LPIN2: variants seen among roughly 807,000 people sequenced by gnomAD.
LPIN2 encodes the protein lipin 2, also known as phosphatidate phosphatase LPIN2.
In LPIN2, 55 loss-of-function variants were observed where a neutral mutation model predicts 111.4. That is an observed-to-expected ratio of 0.49 (90% CI 0.40 to 0.62). The LOEUF (loss-of-function observed/expected upper bound fraction) is 0.62. Among genes scored for constraint, LPIN2 ranks in the 20% least tolerant of loss-of-function variants. LPIN2 has a pLI of 0.00. For missense variants in LPIN2, 992 were observed against 1,112.1 expected (o/e 0.89, Z 1.54); for synonymous variants, 425 against 414.0 (o/e 1.03, Z -0.32).
chr18:2,940,508 G>A, intron 5 of LPIN2, 97 bp downstream of exon 5: 3 of 729,882 alleles, frequency 4.1e-6, no homozygotes, highest in Non-Finnish European at 4.9e-6. Context: ...GGCTGTGTGA[G>A]AGAAATGGGA....
chr18:2,923,999 C>CAACT (rs2144127145), intron 15 of LPIN2, 138 bp from the exon 16 acceptor site: 1 of 755,926 alleles, frequency 1.3e-6, no homozygotes, highest in South Asian at 1.5e-5. Context: ...CAGCTTCAAG[C>CAACT]AACTGCAAGG....
intron 1 of LPIN2, chr18:2,982,888 T>C (rs1241395805): frequency 1.4e-5 from 5 of 352,228 alleles, no homozygotes; most frequent in South Asian, 4.6e-5. Context: ...TGGCTAAAAC[T>C]GAAAGGAAAT....
In LPIN2 at chr18:2,951,061, G is replaced by A. The variant is rs1226336598; in HGVS notation, c.584C>T (p.Ala195Val). ...VSSDDDKGAQAARGSSNASLK... is the reference protein window; with the variant it reads ...VSSDDDKGAQVARGSSNASLK... ...CCCAGGCTGAGAGTCCTACCGTGCT[G>A]CCTGGGCCCCCTTGTCATCATCGGA... The change falls in exon 4 of 20, where the codon GCA becomes GTA. Residue 195 changes from alanine to valine, a missense_variant. This residue lies in a region of LPIN2 where 709 missense variants were observed against 753.2 expected (regional missense o/e 0.94). Coordinates refer to ENST00000677752, the MANE Select transcript of LPIN2 (RefSeq NM_001375808.2). 18 of 1,613,960 alleles carry A rather than the reference G, an allele frequency of 1.1e-5. No homozygotes were observed. The Admixed American group carries it at 3.0e-4, about 27-fold the overall frequency.
chr18:2,951,370 G>C lies in LPIN2; in HGVS notation c.289-14C>G, dbSNP rs369619421. 3.7e-6 allele frequency: 6 copies of C among 1,611,992 alleles called. No homozygotes were observed. The highest frequency in any genetic ancestry group is 5.1e-6 in the Non-Finnish European group (6 of 1,178,426). On this transcript the variant is annotated splice_polypyrimidine_tract_variant and intron_variant, in intron 3 of 19. Coordinates refer to ENST00000677752, the MANE Select transcript of LPIN2 (RefSeq NM_001375808.2). ...AGGAAGCTTTTCCTTGAGGAGAATG[G>C]AGAAAGAAAAGTTATCCATGACAAA...
intron 1 of LPIN2, among the ~76,000 whole-genome samples, chr18:2,988,709 T>A (rs1030226496): frequency 4.6e-5 from 7 of 152,230 alleles, no homozygotes; most frequent in Non-Finnish European, 1.0e-4. Context: ...GATTTAACCT[T>A]GTAATGTCAA....
At chr18:3,009,113 G>C (rs1001589487) in intron 1 of LPIN2, among the ~76,000 whole-genome samples, 2 of 151,670 alleles carry the variant, frequency 1.3e-5, no homozygotes. Flanking sequence ...CAAAAGAATT[G>C]TTTCGGCCAG....
chr18:2,965,353 A>G (rs1790989), intron 1 of LPIN2, among the ~76,000 whole-genome samples: 4 of 152,246 alleles, frequency 2.6e-5, no homozygotes, highest in Admixed American at 2.6e-4. Context: ...GTTATTCACC[A>G]AAAGTTTGAA....
intron 6 of LPIN2, among the ~76,000 whole-genome samples, chr18:2,938,283 G>C (rs546048471): frequency 6.6e-6 from 1 of 152,282 alleles, no homozygotes; most frequent in East Asian, 1.9e-4. Flanking sequence ...CAGCACTTTG[G>C]GAGGCCAAGG....
intron 1 of LPIN2, among the ~76,000 whole-genome samples, chr18:2,992,934 T>A (rs1003954798): frequency 1.4e-5 from 2 of 140,692 alleles, no homozygotes; most frequent in Admixed American, 7.6e-5. Context: ...TGCAGTGAGC[T>A]GAGATAGCAC....
intron 4 of LPIN2, 103 bp from the exon 5 acceptor site, chr18:2,940,815 G>C (rs1160068338): frequency 5.5e-6 from 4 of 728,334 alleles, no homozygotes; most frequent in Non-Finnish European, 9.8e-6. Flanking sequence ...AATGAAGAGG[G>C]GCAAATGATT....
At chr18:3,003,236 C>A (rs1261201992) in intron 1 of LPIN2, among the ~76,000 whole-genome samples, 1 of 152,192 alleles carries the variant, frequency 6.6e-6, no homozygotes, top group African/African-American at 2.4e-5. Context: ...TTCAATTACA[C>A]TAAGTAAAGC....
Position 2,920,389 on chromosome 18 carries a change from A to G in LPIN2, c.2595T>C (p.Ser865=). The G allele has an allele frequency of 1.2e-6, 2 of 1,614,048 alleles. No homozygotes were observed. The highest frequency in any genetic ancestry group is 1.7e-5 in the Admixed American group (1 of 60,030). ...AGGGAAAAGCGGAATTCTGCTCCTT[A>G]CTGAGAAGGGGGAACACATGCTCCA... is the stretch of plus-strand genomic sequence containing the variant. ...ELVEHVFPLL[S]KEQNSAFPCP... is the part of the protein sequence containing the mutation. Residue 865 remains serine, a synonymous_variant, in exon 20 of 20, where the codon AGT becomes AGC. Transcript: ENST00000677752.
rs773514460 is a variant in LPIN2 at position 2,927,768 on chromosome 18, G to C, written c.1664C>G (p.Ser555Cys). 8.1e-6 allele frequency: 13 copies of C among 1,614,088 alleles called. No individual in the cohort carries two copies. The East Asian group carries it at 2.9e-4, about 36-fold the overall frequency. Residue 555 changes from serine to cysteine, a missense_variant, in exon 12 of 20, where the codon TCT becomes TGT. By Grantham distance (112) the Ser-to-Cys change is moderately radical. Coordinates refer to ENST00000677752, the MANE Select transcript of LPIN2 (RefSeq NM_001375808.2). The stretch of plus-strand genomic sequence containing the variant: ...CTTTCGCCAAAACCACCAGCGACCA[G>C]ATTTCTTTGGCATCTTGTCTTTCAC... The part of the protein sequence containing the change: ...SWVKDKMPKK[S>C]GRWWFWRKRE...
At chr18:2,945,905 T>C in intron 4 of LPIN2, 1 of 1,423,006 alleles carries the variant, frequency 7.0e-7, no homozygotes, top group East Asian at 2.3e-5. Context: ...TGTTTCTCTT[T>C]TGTACAGCCC....
chr18:2,981,223 C>T (rs1567851971), intron 1 of LPIN2, among the ~76,000 whole-genome samples: 2 of 152,156 alleles, frequency 1.3e-5, no homozygotes, highest in African/African-American at 4.8e-5. Context: ...AAGGCCTGGA[C>T]CCTGAAAACC....
At chr18:2,955,669 A>G (rs1010525079) in intron 2 of LPIN2, among the ~76,000 whole-genome samples, 2 of 152,198 alleles carry the variant, frequency 1.3e-5, no homozygotes, top group South Asian at 4.1e-4. Flanking sequence ...TAATCCCAGT[A>G]CTTTGGGAGA....
chr18:2,991,326 TAGAA>T (rs995280566), intron 1 of LPIN2, among the ~76,000 whole-genome samples: 2 of 152,170 alleles, frequency 1.3e-5, no homozygotes, highest in East Asian at 1.9e-4. Flanking sequence ...AAATATATGT[TAGAA>T]AGAAAACTGG....
At chr18:2,949,613 A>T (rs2077503876) in intron 4 of LPIN2, among the ~76,000 whole-genome samples, 1 of 152,212 alleles carries the variant, frequency 6.6e-6, no homozygotes, top group Non-Finnish European at 1.5e-5. Flanking sequence ...GTAGAAAAAA[A>T]TTTCATGTAT....
rs2076986446 is a variant in LPIN2, at chr18:2,917,421, T to C, written c.*2872A>G. On this transcript the variant is annotated 3_prime_UTR_variant, in exon 20 of 20. Transcript: ENST00000677752. ...AAGTGAAAGAGCTGACTTCCTTGTT[T>C]ATTCTTTAAAGGGTTGGCCTGCACC... 6.6e-6 allele frequency: 1 copy of C among 152,212 alleles called. No individual in the cohort carries two copies. Among genetic ancestry groups the C allele is most frequent in the South Asian group, 2.1e-4 (1 of 4,830 alleles). 9.4% of individuals were successfully genotyped at this position (152,212 alleles called of 1,614,324 possible).
Sources: gnomAD v4.1 joint callset for allele counts (sites outside exome capture counted in the v4.1 genomes callset) on GRCh38, gnomAD v4.1.1 for gene constraint, gnomAD v4.1.1 regional missense constraint, MANE v1.5 for transcripts, NCBI Gene and HGNC (gene_info 2026-07-23, HGNC 2026-07-21) for gene names.